Variants in KNG1 observed in about 807,000 individuals in gnomAD.
The protein encoded by KNG1 is kininogen 1.
Under a neutral mutation model 47.8 loss-of-function variants are expected in KNG1, and 23 were observed. The ratio of observed to expected loss-of-function variants is 0.48; its 90% CI spans 0.35 to 0.68. The LOEUF is 0.68. Ranked by LOEUF, KNG1 falls within the 30% of genes least tolerant of loss-of-function variation. KNG1 has a pLI of 0.01. For synonymous variants in KNG1, 277 were observed against 277.0 expected (o/e 1.00, Z 0.00); for missense variants, 762 against 790.2 (o/e 0.96, Z 0.43).
intron 7 of KNG1, 114 bp from the exon 8 acceptor site, chr3:186,738,985 C>T (rs1720735823): frequency 1.2e-6 from 1 of 847,300 alleles, no homozygotes; most frequent in African/African-American, 1.7e-5. Context: ...TTGTATGTAA[C>T]TCTCTAAGTT....
Position 186,742,759 on chromosome 3 carries a change from T to C in KNG1, c.*428T>C. 9.9e-7 allele frequency: 1 copy of C among 1,012,682 alleles called. No homozygotes were observed. Among genetic ancestry groups the C allele is most frequent in the Non-Finnish European group, 1.2e-6 (1 of 846,894 alleles). 62.7% of individuals were successfully genotyped at this position (1,012,682 alleles called of 1,614,324 possible). A position where few individuals can be genotyped will look rare whatever the true frequency, so the allele number is the denominator to read the frequency against. ...GTCAAGAGATTAAATGCTGAACTTA[T>C]TAATGGAATAGAAATAATAAGGAGG... On this transcript the variant is annotated 3_prime_UTR_variant, in exon 10 of 10. Transcript: ENST00000644859.
chr3:186,722,572 G>C, intron 3 of KNG1, 51 bp downstream of exon 3: 1 of 1,381,682 alleles, frequency 7.2e-7, no homozygotes, highest in African/African-American at 1.4e-5. Flanking sequence ...AACCATTTCT[G>C]TGAGCCAGGA....
At chr3:186,726,568 G>A (rs5030021) in intron 4 of KNG1, among the ~76,000 whole-genome samples, 15 of 152,238 alleles carry the variant, frequency 9.9e-5, no homozygotes, top group African/African-American at 3.6e-4. Context: ...GGGATTACAG[G>A]CATGAGCCAC....
At chr3:186,723,331 C>T (rs181287905) in intron 3 of KNG1, among the ~76,000 whole-genome samples, 1 of 152,316 alleles carries the variant, frequency 6.6e-6, no homozygotes, top group Admixed American at 6.5e-5. Flanking sequence ...ACTATAGACA[C>T]TCTAGTCTGC....
In KNG1 at chr3:186,743,886, G is replaced by A. The variant is rs895704204; in HGVS notation, c.*1555G>A. The A allele has an allele frequency of 1.2e-6, 1 of 838,912 alleles. No homozygotes were observed. The highest frequency in any genetic ancestry group is 2.1e-6 in the Non-Finnish European group (1 of 487,326). The allele number at this position is 838,912 out of a possible 1,614,324, so 52.0% of individuals were successfully genotyped here. On this transcript the variant is annotated 3_prime_UTR_variant, in exon 10 of 10. Coordinates refer to ENST00000644859, the MANE Select transcript of KNG1 (RefSeq NM_001102416.3). The stretch of plus-strand genomic sequence containing the variant: ...AGAAAGATGGGATAGAATTTAAATA[G>A]AGAAGAATGCCATTTTATCACTCTG...
chr3:186,720,784 CTTTT>C (rs1167537831), intron 2 of KNG1, among the ~76,000 whole-genome samples: 12 of 89,748 alleles, frequency 1.3e-4, no homozygotes, highest in Non-Finnish European at 1.7e-4. Flanking sequence ...TGTTGTTTTG[CTTTT>C]TTTTTTTTTT....
intron 5 of KNG1, chr3:186,728,205 G>A (rs1340049216): frequency 2.0e-5 from 3 of 152,136 alleles, no homozygotes; most frequent in African/African-American, 7.2e-5. Flanking sequence ...GCTAGCGAAT[G>A]TTAAGATGGC....
chr3:186,740,342 C>T (rs1010357573), intron 9 of KNG1, among the ~76,000 whole-genome samples: 2 of 152,166 alleles, frequency 1.3e-5, no homozygotes, highest in African/African-American at 2.4e-5. Flanking sequence ...CCCACATTTT[C>T]GAGTCCTCCT....
At chr3:186,724,605 G>C (rs1476252461) in intron 3 of KNG1, among the ~76,000 whole-genome samples, 1 of 151,860 alleles carries the variant, frequency 6.6e-6, no homozygotes. Flanking sequence ...GGGATTACTT[G>C]GTTTTTTTAT....
Position 186,741,685 on chromosome 3 carries a change from A to T in KNG1, c.1289A>T (p.Asp430Val), listed in dbSNP as rs756441655. 30 of 1,614,106 alleles carry T rather than the reference A, an allele frequency of 1.9e-5. No homozygotes were observed. In the African/African-American group the frequency reaches 3.9e-4, roughly 21 times the overall value. Reference sequence around the variant, plus strand: ...GAACAAGGGCATACTCGTAGACATGACTGGGGCCATGAAAAACAAAGAAAA... The same window carrying T: ...GAACAAGGGCATACTCGTAGACATGTCTGGGGCCATGAAAAACAAAGAAAA... ...GKEQGHTRRH[D>V]WGHEKQRKHN... The change falls in exon 10 of 10, where the codon GAC becomes GTC. Residue 430 changes from aspartate to valine, a missense_variant. Transcript: ENST00000644859.
intron 9 of KNG1, 146 bp from the exon 10 acceptor site, chr3:186,741,376 T>C (rs1720806180): frequency 3.0e-6 from 2 of 675,904 alleles, no homozygotes; most frequent in African/African-American, 1.8e-5. Context: ...ATTCATCCTT[T>C]CTGGAATGTT....
intron 5 of KNG1, chr3:186,728,203 A>C (rs1720424331): frequency 6.6e-6 from 1 of 152,202 alleles, no homozygotes; most frequent in African/African-American, 2.4e-5. Context: ...TAGCTAGCGA[A>C]TGTTAAGATG....
At chr3:186,722,711 T>C (rs1233145469) in intron 3 of KNG1, among the ~76,000 whole-genome samples, 190 bp downstream of exon 3, 1 of 152,200 alleles carries the variant, frequency 6.6e-6, no homozygotes, top group African/African-American at 2.4e-5. Context: ...ATCATCCCCT[T>C]AGGACTATCC....
In KNG1 at chr3:186,742,531, C is replaced by T. The variant is rs1579133069; in HGVS notation, c.*200C>T. The T allele has an allele frequency of 7.1e-7, 1 of 1,411,992 alleles. No individual in the cohort carries two copies. Among genetic ancestry groups the T allele is most frequent in the Non-Finnish European group, 9.2e-7 (1 of 1,088,264 alleles). The allele number at this position is 1,411,992 out of a possible 1,614,324, so 87.5% of individuals were successfully genotyped here. A position where few individuals can be genotyped will look rare whatever the true frequency, so the allele number is the denominator to read the frequency against. On this transcript the variant is annotated 3_prime_UTR_variant, in exon 10 of 10. Coordinates refer to ENST00000644859, the MANE Select transcript of KNG1 (RefSeq NM_001102416.3). Reference sequence around the variant, plus strand: ...ATAAAATTGTGTGCCACAATTCTAACTCTTTTCTGAATCTTCTTCCCAAGT... The same window carrying T: ...ATAAAATTGTGTGCCACAATTCTAATTCTTTTCTGAATCTTCTTCCCAAGT...
Position 186,742,955 on chromosome 3 carries a change from G to C in KNG1, c.*624G>C, listed in dbSNP as rs943726319. 68 of 984,370 alleles carry C rather than the reference G, an allele frequency of 6.9e-5. No homozygotes were observed. The highest frequency in any genetic ancestry group is 8.1e-5 in the Non-Finnish European group (67 of 829,062). The allele number at this position is 984,370 out of a possible 1,614,324, so 61.0% of individuals were successfully genotyped here. A position where few individuals can be genotyped will look rare whatever the true frequency, so the allele number is the denominator to read the frequency against. On this transcript the variant is annotated 3_prime_UTR_variant, in exon 10 of 10. Coordinates refer to ENST00000644859, the MANE Select transcript of KNG1 (RefSeq NM_001102416.3). ...TTCAAAGTAACAAGAAAGAAGACAG[G>C]TTGGCCAAAGGGAGGAAAGGGGGGA...
chr3:186,740,373 G>A (rs1368185242), intron 9 of KNG1, among the ~76,000 whole-genome samples: 2 of 152,154 alleles, frequency 1.3e-5, no homozygotes, highest in African/African-American at 2.4e-5. Flanking sequence ...TGAGGCAGGT[G>A]CTGTTATTAT....
chr3:186,743,862 G>A lies in KNG1; in HGVS notation c.*1531G>A. On this transcript the variant is annotated 3_prime_UTR_variant, in exon 10 of 10. Transcript: ENST00000644859. Reference sequence around the variant, plus strand: ...GCAACCTTGAGAGGAAGGACAAGAAGAAAGATGGGATAGAATTTAAATAGA... The same window carrying A: ...GCAACCTTGAGAGGAAGGACAAGAAAAAAGATGGGATAGAATTTAAATAGA... The A allele has an allele frequency of 1.0e-6, 1 of 975,726 alleles. No homozygotes were observed. Among genetic ancestry groups the A allele is most frequent in the Non-Finnish European group, 1.7e-6 (1 of 600,422 alleles). The allele number at this position is 975,726 out of a possible 1,614,324, so 60.4% of individuals were successfully genotyped here.
chr3:186,724,525 C>T (rs1286722684), intron 3 of KNG1, among the ~76,000 whole-genome samples: 1 of 152,110 alleles, frequency 6.6e-6, no homozygotes, highest in Admixed American at 6.5e-5. Context: ...CATTTTTTCA[C>T]ATATCTGTTG....
At chr3:186,731,512 T>C in intron 5 of KNG1, 33 bp from the exon 6 acceptor site, 1 of 1,345,928 alleles carries the variant, frequency 7.4e-7, no homozygotes. Context: ...AAAATGTTTT[T>C]AACTGAGCAC....
Sources: allele counts gnomAD v4.1 joint callset (sites outside exome capture counted in the v4.1 genomes callset), GRCh38; gene constraint gnomAD v4.1.1; transcripts MANE v1.5; gene names NCBI Gene and HGNC (gene_info 2026-07-23, HGNC 2026-07-21).